Variants in CPS1 observed in about 807,000 individuals in gnomAD.
CPS1 encodes the protein carbamoyl-phosphate synthase 1.
A neutral mutation model predicts 174.6 loss-of-function variants in CPS1; 109 were observed. The ratio of observed to expected loss-of-function variants is 0.62; its 90% CI spans 0.53 to 0.73. CPS1 has a LOEUF of 0.73. Among genes scored for constraint, CPS1 ranks in the 30% least tolerant of loss-of-function variants. The probability of loss-of-function intolerance (pLI) is 0.00; values close to 1 mark genes in which losing one functional copy is unlikely to be tolerated. For missense variants in CPS1, 1,689 were observed against 1,821.9 expected (o/e 0.93, Z 1.33); for synonymous variants, 637 against 632.0 (o/e 1.01, Z -0.12).
chr2:210,665,371 A>T (rs1574660952), intron 33 of CPS1, among the ~76,000 whole-genome samples: 1 of 151,444 alleles, frequency 6.6e-6, no homozygotes, highest in South Asian at 2.1e-4. Context: ...CATGTGCACA[A>T]TGTGCAGGTT....
At chr2:210,492,277 T>G (rs1372266466) in intron 1 of CPS1, among the ~76,000 whole-genome samples, 1 of 152,236 alleles carries the variant, frequency 6.6e-6, no homozygotes, top group African/African-American at 2.4e-5. Flanking sequence ...TATGTACATA[T>G]GAAAGTAGAG....
chr2:210,643,041 C>A (rs1574633135), intron 25 of CPS1, among the ~76,000 whole-genome samples: 1 of 152,156 alleles, frequency 6.6e-6, no homozygotes, highest in East Asian at 1.9e-4. Flanking sequence ...CAATAAACAG[C>A]CTCTTTCTAG....
intron 2 of CPS1, among the ~76,000 whole-genome samples, chr2:210,575,154 G>C (rs1697647896): frequency 6.6e-6 from 1 of 152,048 alleles, no homozygotes; most frequent in African/African-American, 2.4e-5. Flanking sequence ...CTTAGGGATT[G>C]CAGAGCTGAA....
intron 1 of CPS1, among the ~76,000 whole-genome samples, chr2:210,543,188 C>G (rs1054345724): frequency 6.6e-6 from 1 of 152,174 alleles, no homozygotes; most frequent in African/African-American, 2.4e-5. Context: ...TATGTGGGCT[C>G]ACGTTGCATG....
chr2:210,513,296 A>G (rs1014322748), intron 1 of CPS1, among the ~76,000 whole-genome samples: 8 of 151,398 alleles, frequency 5.3e-5, no homozygotes, highest in East Asian at 1.9e-4. Flanking sequence ...ATTCCCTTCA[A>G]CAGTGTATAA....
chr2:210,673,056 G>A (rs1422917917), intron 34 of CPS1: 1 of 152,056 alleles, frequency 6.6e-6, no homozygotes, highest in Non-Finnish European at 1.5e-5. Flanking sequence ...CCTAGTTTCT[G>A]ACTCTGAAAT....
At chr2:210,588,886 G>A (rs897264849) in intron 7 of CPS1, among the ~76,000 whole-genome samples, 1 of 152,084 alleles carries the variant, frequency 6.6e-6, no homozygotes, top group East Asian at 1.9e-4. Flanking sequence ...TGCATGGATA[G>A]CATGCATGGT....
At chr2:210,553,875 T>A (rs1696794175), upstream of CPS1, among the ~76,000 whole-genome samples, 1 of 151,862 alleles carries the variant, frequency 6.6e-6, no homozygotes, top group Admixed American at 6.6e-5. Flanking sequence ...GGTTATAGAT[T>A]TCAGTCTAGC....
chr2:210,612,387 T>A, intron 20 of CPS1, 94 bp downstream of exon 20: 1 of 1,475,476 alleles, frequency 6.8e-7, no homozygotes, highest in Non-Finnish European at 9.4e-7. Context: ...AAAGTGGTTT[T>A]AAATCAGGGA....
intron 6 of CPS1, 109 bp from the exon 7 acceptor site, chr2:210,587,945 ACAAT>A: frequency 1.1e-6 from 1 of 937,326 alleles, no homozygotes; most frequent in South Asian, 1.3e-5. Flanking sequence ...CTAGTAGTTA[ACAAT>A]CAATCTGTTA....
rs187728740 is a variant in CPS1, at chr2:210,506,518, A to G, written c.3+28752A>G. Among the ~76,000 whole-genome samples the G allele has an allele frequency of 3.3e-5, 5 of 152,334 alleles. No individual in the cohort carries two copies. The East Asian group carries it at 7.7e-4, about 23-fold the overall frequency. The stretch of plus-strand genomic sequence containing the variant: ...AAAGGAACGCAGCTCCTCACCAGCA[A>G]TGAAACATGGAGAATGACTCTGACG... On this transcript the variant is annotated intron_variant, in intron 1 of 38. Transcript: ENST00000430249.
chr2:210,590,911 G>C lies in CPS1; in HGVS notation c.947+5G>C, dbSNP rs767663476. ...CAAGATGTCCATGGCCAACAGGTGA[G>C]GTATTTTCACTTTTGCTTACAGTAA... On this transcript the variant is annotated splice_donor_5th_base_variant and intron_variant, in intron 9 of 37. Coordinates refer to ENST00000233072, the MANE Select transcript of CPS1 (RefSeq NM_001875.5). The C allele has an allele frequency of 4.4e-6, 7 of 1,608,692 alleles. No individual in the cohort carries two copies. The highest frequency in any genetic ancestry group is 5.9e-6 in the Non-Finnish European group (7 of 1,176,586).
At chr2:210,583,156 A>G (rs1258831196) in intron 6 of CPS1, among the ~76,000 whole-genome samples, 1 of 152,182 alleles carries the variant, frequency 6.6e-6, no homozygotes, top group Non-Finnish European at 1.5e-5. Flanking sequence ...TTCATACACT[A>G]AAGATTTATT....
rs1471062243 is a variant in CPS1, at chr2:210,606,864, T to C, written c.2115T>C (p.Pro705=). 6.2e-7 allele frequency: 1 copy of C among 1,612,574 alleles called. No homozygotes were observed. The highest frequency in any genetic ancestry group is 8.5e-7 in the Non-Finnish European group (1 of 1,179,138). Residue 705 remains proline (P), a synonymous_variant, in exon 18 of 38, where the codon CCT becomes CCC. Coordinates refer to ENST00000233072, the MANE Select transcript of CPS1 (RefSeq NM_001875.5). ...GCAACATTCAGTTTGCCCTTCATCCTACCTCAATGGAATACTGCATCATTG... is the reference window on the plus strand; with the variant it reads ...GCAACATTCAGTTTGCCCTTCATCCCACCTCAATGGAATACTGCATCATTG... The part of the protein sequence containing the change: ...GECNIQFALH[P]TSMEYCIIEV...
chr2:210,579,809 G>GTGTGTGT, intron 5 of CPS1, 39 bp downstream of exon 5: 1 of 1,338,030 alleles, frequency 7.5e-7, no homozygotes, highest in African/African-American at 1.5e-5. Flanking sequence ...TGTTTCTTCG[G>GTGTGTGT]GTGTGTGTGT....
chr2:210,567,078 A>C (rs1697327912), intron 1 of CPS1, among the ~76,000 whole-genome samples: 1 of 152,146 alleles, frequency 6.6e-6, no homozygotes, highest in Non-Finnish European at 1.5e-5. Flanking sequence ...TTATCAGTAA[A>C]GTAATGGCAG....
intron 1 of CPS1, among the ~76,000 whole-genome samples, chr2:210,535,605 A>ATTTTTGTCATT (rs1215937119): frequency 1.3e-5 from 2 of 152,176 alleles, no homozygotes. Context: ...ATCAAAGCTG[A>ATTTTTGTCATT]TGAATGACAA....
intron 21 of CPS1, among the ~76,000 whole-genome samples, chr2:210,628,896 T>A (rs901544638): frequency 6.6e-6 from 1 of 152,196 alleles, no homozygotes; most frequent in Non-Finnish European, 1.5e-5. Flanking sequence ...TATTTGTTGC[T>A]TGGTACAACC....
At chr2:210,478,461 T>C (rs1200248918) in intron 1 of CPS1, among the ~76,000 whole-genome samples, 1 of 152,256 alleles carries the variant, frequency 6.6e-6, no homozygotes, top group African/African-American at 2.4e-5. Flanking sequence ...TTGCATTGTT[T>C]TCCTGTTGAT....
Sources: gnomAD v4.1 joint callset for allele counts (sites outside exome capture counted in the v4.1 genomes callset) on GRCh38, gnomAD v4.1.1 for gene constraint, MANE v1.5 for transcripts, NCBI Gene and HGNC (gene_info 2026-07-23, HGNC 2026-07-21) for gene names.